LOC400499: variants seen among roughly 807,000 people sequenced by gnomAD.
At chr16:11,514,969 T>G in the LOC400499 span, among the ~76,000 whole-genome samples, 1 of 151,894 alleles carries the variant, frequency 6.6e-6, no homozygotes, top group Non-Finnish European at 1.5e-5. Flanking sequence ...AGCACTTGCC[T>G]CTTCAGGGAG....
the LOC400499 span, among the ~76,000 whole-genome samples, chr16:11,451,723 G>C: frequency 6.6e-6 from 1 of 152,326 alleles, no homozygotes; most frequent in South Asian, 2.1e-4. Flanking sequence ...TGACAGACAA[G>C]GGGGAGTTGA....
chr16:11,520,787 T>G, the LOC400499 span, among the ~76,000 whole-genome samples: 1 of 152,142 alleles, frequency 6.6e-6, no homozygotes, highest in Non-Finnish European at 1.5e-5. Context: ...CGTAGGTGTT[T>G]GGTTTATGAA....
At chr16:11,447,676 G>A in the LOC400499 span, among the ~76,000 whole-genome samples, 1 of 152,066 alleles carries the variant, frequency 6.6e-6, no homozygotes, top group African/African-American at 2.4e-5. Flanking sequence ...GAAATGAGAA[G>A]ACGCCCCAAG....
At chr16:11,463,467 C>T in the LOC400499 span, among the ~76,000 whole-genome samples, 10 of 147,658 alleles carry the variant, frequency 6.8e-5, no homozygotes, top group East Asian at 7.7e-4. Context: ...TGTATACAGA[C>T]GTGTATGTAC....
At chr16:11,501,118 C>G in the LOC400499 span, 1 of 395,516 alleles carries the variant, frequency 2.5e-6, no homozygotes, top group African/African-American at 2.1e-5. Flanking sequence ...GTCTGGGACC[C>G]CGCAGTCTGG....
the LOC400499 span, among the ~76,000 whole-genome samples, chr16:11,525,292 CAAA>C: frequency 3.4e-4 from 43 of 124,986 alleles, no homozygotes; most frequent in Non-Finnish European, 4.9e-4. Context: ...GACCTTGTCC[CAAA>C]AAAAAAAAAA....
chr16:11,511,289 G>C, the LOC400499 span, among the ~76,000 whole-genome samples: 30 of 152,256 alleles, frequency 2.0e-4, no homozygotes, highest in African/African-American at 7.0e-4. Context: ...GAGCCACTGT[G>C]CCCAGCTGAC....
the LOC400499 span, chr16:11,392,434 C>G: frequency 2.5e-6 from 1 of 399,072 alleles, no homozygotes; most frequent in Admixed American, 4.4e-5. Flanking sequence ...CATCCCGGAA[C>G]AGGACCTCCG....
At chr16:11,478,598 C>G in the LOC400499 span, 2 of 399,050 alleles carry the variant, frequency 5.0e-6, no homozygotes, top group Non-Finnish European at 4.4e-6. Context: ...CCCGTGGCCC[C>G]GCAGTTCACA....
the LOC400499 span, among the ~76,000 whole-genome samples, chr16:11,514,921 T>G: frequency 2.6e-5 from 4 of 152,122 alleles, no homozygotes; most frequent in African/African-American, 9.7e-5. Context: ...TGAACAATGA[T>G]CACTTCTCAT....
At chr16:11,408,554 T>C in the LOC400499 span, among the ~76,000 whole-genome samples, 3 of 148,156 alleles carry the variant, frequency 2.0e-5, no homozygotes, top group Non-Finnish European at 4.4e-5. Flanking sequence ...AGCCTCAACC[T>C]CCTGGGCTCA....
At chr16:11,456,188 G>A in the LOC400499 span, among the ~76,000 whole-genome samples, 1 of 152,046 alleles carries the variant, frequency 6.6e-6, no homozygotes, top group Non-Finnish European at 1.5e-5. Flanking sequence ...GGCATTACAG[G>A]TGCCTGCCAC....
the LOC400499 span, among the ~76,000 whole-genome samples, chr16:11,446,312 G>T: frequency 6.0e-5 from 8 of 132,956 alleles, no homozygotes; most frequent in East Asian, 8.3e-4. Flanking sequence ...ACCATGCCTG[G>T]CTAATTAAAC....
At chr16:11,491,832 G>C in the LOC400499 span, 1 of 398,948 alleles carries the variant, frequency 2.5e-6, no homozygotes. Flanking sequence ...GTATAGACGG[G>C]AGAGCACCGA....
the LOC400499 span, among the ~76,000 whole-genome samples, chr16:11,526,869 G>A: frequency 3.3e-5 from 5 of 152,282 alleles, no homozygotes; most frequent in African/African-American, 1.2e-4. Context: ...TCTGGTCTCT[G>A]CAGCTCCCCA....
the LOC400499 span, among the ~76,000 whole-genome samples, chr16:11,496,965 G>A: frequency 2.6e-5 from 4 of 151,306 alleles, no homozygotes; most frequent in East Asian, 2.0e-4. Context: ...GTGTGTGTCC[G>A]TGCATTTCCC....
At chr16:11,441,539 C>G in the LOC400499 span, among the ~76,000 whole-genome samples, 1 of 152,204 alleles carries the variant, frequency 6.6e-6, no homozygotes, top group Non-Finnish European at 1.5e-5. Flanking sequence ...ACGATGACAT[C>G]CATGTCCTCA....
chr16:11,462,336 G>T, the LOC400499 span: 1 of 1,439,262 alleles, frequency 6.9e-7, no homozygotes, highest in African/African-American at 1.4e-5. Flanking sequence ...TGGGAGGACA[G>T]GCTTGGCCAG....
the LOC400499 span, among the ~76,000 whole-genome samples, chr16:11,525,602 A>T: frequency 2.0e-5 from 3 of 152,142 alleles, no homozygotes; most frequent in Non-Finnish European, 4.4e-5. Context: ...CGTAATCATT[A>T]CGTTCTCGAT....
Sources: gnomAD v4.1 joint callset for allele counts (sites outside exome capture counted in the v4.1 genomes callset) on GRCh38, gnomAD v4.1.1 for gene constraint, MANE v1.5 for transcripts.